The following MAP2K1 variants were observed in gnomAD, a reference collection of about 807,000 sequenced individuals.
The protein encoded by MAP2K1 is mitogen-activated protein kinase kinase 1.
Under a neutral mutation model 46.3 loss-of-function variants are expected in MAP2K1, and 16 were observed. The ratio of observed to expected loss-of-function variants is 0.35; its 90% confidence interval spans 0.23 to 0.52. The LOEUF (loss-of-function observed/expected upper bound fraction) is 0.52, where lower values mean the gene tolerates loss of function less well. Ranked by LOEUF, MAP2K1 falls within the 20% of genes least tolerant of loss-of-function variation. The pLI, the probability that MAP2K1 is intolerant of heterozygous loss-of-function variation, is 0.94. For missense variants in MAP2K1, 263 were observed against 497.1 expected (o/e 0.53, Z 4.48); for synonymous variants, 183 against 185.6 (o/e 0.99, Z 0.11).
At chr15:66,448,812 G>T (rs1233317582) in intron 5 of MAP2K1, among the ~76,000 whole-genome samples, 1 of 151,962 alleles carries the variant, frequency 6.6e-6, no homozygotes, top group Admixed American at 6.6e-5. Flanking sequence ...GACCAGCCTG[G>T]CCAACATGGT....
At chr15:66,443,446 T>C in intron 4 of MAP2K1, 89 bp downstream of exon 4, 1 of 833,486 alleles carries the variant, frequency 1.2e-6, no homozygotes, top group Non-Finnish European at 2.1e-6. Flanking sequence ...AGATGGGAAG[T>C]CAATGAGGGG....
At chr15:66,420,089 C>A (rs1263902286) in intron 1 of MAP2K1, among the ~76,000 whole-genome samples, 4 of 151,526 alleles carry the variant, frequency 2.6e-5, no homozygotes, top group African/African-American at 4.9e-5. Context: ...ACTAAAAATA[C>A]AAAAATTAGC....
intron 1 of MAP2K1, among the ~76,000 whole-genome samples, chr15:66,429,426 A>G (rs775411728): frequency 2.0e-5 from 3 of 152,160 alleles, no homozygotes; most frequent in Non-Finnish European, 2.9e-5. Context: ...GGGGATTACA[A>G]TTTAAGATGA....
chr15:66,469,998 T>C (rs1402763126), intron 5 of MAP2K1, among the ~76,000 whole-genome samples: 1 of 151,546 alleles, frequency 6.6e-6, no homozygotes, highest in Non-Finnish European at 1.5e-5. Context: ...GGCATTGTTT[T>C]GTGAATAAAG....
At chr15:66,431,933 A>G (rs570173041) in intron 1 of MAP2K1, among the ~76,000 whole-genome samples, 2 of 152,268 alleles carry the variant, frequency 1.3e-5, no homozygotes, top group African/African-American at 2.4e-5. Context: ...CTTACTAGTG[A>G]GAACATGCGG....
At chr15:66,418,621 C>G (rs1430021024) in intron 1 of MAP2K1, among the ~76,000 whole-genome samples, 1 of 152,126 alleles carries the variant, frequency 6.6e-6, no homozygotes, top group African/African-American at 2.4e-5. Flanking sequence ...GTTTAGTGGT[C>G]ACCACCAGAC....
chr15:66,389,011 ACT>A (rs1169590768), intron 1 of MAP2K1, among the ~76,000 whole-genome samples: 5 of 139,862 alleles, frequency 3.6e-5, no homozygotes, highest in South Asian at 2.2e-4. Flanking sequence ...GGTTCAAGCG[ACT>A]CTCCTGCCTC....
rs1157933155 is a variant in MAP2K1, at chr15:66,387,396, G to C, written c.49G>C (p.Gly17Arg). 6.4e-7 allele frequency: 1 copy of C among 1,565,346 alleles called. No individual in the cohort carries two copies. The highest frequency in any genetic ancestry group is 8.7e-7 in the Non-Finnish European group (1 of 1,154,214). The part of the protein sequence containing the change: ...TPIQLNPAPD[G>R]SAVNGTSSAE... ...CATCCAGCTGAACCCGGCCCCCGACGGCTCTGCAGTTAACGGGACCAGCTC... is the reference window on the plus strand; with the variant it reads ...CATCCAGCTGAACCCGGCCCCCGACCGCTCTGCAGTTAACGGGACCAGCTC... Residue 17 changes from glycine (G) to arginine (R), a missense_variant, in exon 1 of 11, where the codon GGC (glycine) becomes CGC (arginine). By Grantham distance (125) the Gly-to-Arg change is moderately radical. This residue lies in a region of MAP2K1 where 31 missense variants were observed against 29.9 expected (regional missense o/e 1.04). Transcript: ENST00000307102.
chr15:66,444,003 G>A (rs1026090814), intron 4 of MAP2K1, among the ~76,000 whole-genome samples: 9 of 152,012 alleles, frequency 5.9e-5, no homozygotes, highest in African/African-American at 1.4e-4. Context: ...TTTGGGAGGC[G>A]GAGGCGGGCA....
chr15:66,437,301 C>T (rs1486766314), intron 3 of MAP2K1, among the ~76,000 whole-genome samples: 1 of 152,150 alleles, frequency 6.6e-6, no homozygotes, highest in Non-Finnish European at 1.5e-5. Context: ...TGAAGGGTTT[C>T]TCTGGGTTTC....
rs752935675 is a variant in MAP2K1, at chr15:66,420,706, C to CATATATAT, written c.81-14312_81-14305dup. Among the ~76,000 whole-genome samples the CATATATAT allele has an allele frequency of 7.2e-3, 147 of 20,386 alleles. 17 individuals carry two copies. The highest frequency in any genetic ancestry group is 0.017 in the African/African-American group (113 of 6,574). The allele number at this position is 20,386 out of a possible 152,430, so 13.4% of individuals were successfully genotyped here. On this transcript the variant is annotated intron_variant, in intron 1 of 10. Transcript: ENST00000307102. ...TTATTCCCCTAATACTTACTCTTGG[C>CATATATAT]ATATATATATATATATGTGTGTGTG... is the stretch of plus-strand genomic sequence containing the variant.
chr15:66,460,467 G>GA, intron 5 of MAP2K1, among the ~76,000 whole-genome samples: 1 of 152,294 alleles, frequency 6.6e-6, no homozygotes, highest in Middle Eastern at 3.4e-3. Flanking sequence ...ATAGAGGCAG[G>GA]AAAACACAGA....
intron 4 of MAP2K1, among the ~76,000 whole-genome samples, 184 bp from the exon 5 acceptor site, chr15:66,444,472 G>A (rs542815167): frequency 6.6e-6 from 1 of 152,198 alleles, no homozygotes; most frequent in African/African-American, 2.4e-5. Context: ...GGTGGAGGTT[G>A]TGGTGAGCCG....
At chr15:66,453,607 C>G in intron 5 of MAP2K1, 2 of 701,826 alleles carry the variant, frequency 2.8e-6, no homozygotes, top group Non-Finnish European at 5.2e-6. Flanking sequence ...TCTCCTTGTC[C>G]CTGCCTATGG....
intron 5 of MAP2K1, among the ~76,000 whole-genome samples, chr15:66,463,474 G>A (rs1892381201): frequency 6.8e-6 from 1 of 146,206 alleles, no homozygotes. Flanking sequence ...CGGTGGTCAG[G>A]GCAGGGGTTT....
chr15:66,419,502 G>C (rs1258318288), intron 1 of MAP2K1, among the ~76,000 whole-genome samples: 1 of 151,476 alleles, frequency 6.6e-6, no homozygotes, highest in Non-Finnish European at 1.5e-5. Flanking sequence ...CCTGTGTGAC[G>C]GGAGCGAGAC....
intron 5 of MAP2K1, among the ~76,000 whole-genome samples, chr15:66,458,773 GGTCTCCCTAAGT>G (rs1311630530): frequency 3.3e-5 from 5 of 152,080 alleles, no homozygotes; most frequent in African/African-American, 1.2e-4. Context: ...CACTTGTCTG[GGTCTCCCTAAGT>G]GTGGGACTAC....
At chr15:66,490,106 C>T (rs1309081053) in intron 10 of MAP2K1, 2 of 526,410 alleles carry the variant, frequency 3.8e-6, no homozygotes, top group Non-Finnish European at 6.8e-6. Context: ...CACTCTCCGC[C>T]TGCTGTCTCG....
intron 5 of MAP2K1, among the ~76,000 whole-genome samples, chr15:66,455,907 A>G (rs532592873): frequency 1.3e-5 from 2 of 152,284 alleles, no homozygotes; most frequent in African/African-American, 2.4e-5. Context: ...GGGAGAAACA[A>G]TCTGTGTGGT....
Sources: gnomAD v4.1 joint callset for allele counts (sites outside exome capture counted in the v4.1 genomes callset) on GRCh38, gnomAD v4.1.1 for gene constraint, gnomAD v4.1.1 regional missense constraint, MANE v1.5 for transcripts, NCBI Gene and HGNC (gene_info 2026-07-23, HGNC 2026-07-21) for gene names.